Variants in NELL1 observed in about 807,000 individuals in gnomAD.
NELL1 encodes protein kinase C-binding protein NELL1.
Under a neutral mutation model 107.4 loss-of-function variants are expected in NELL1, and 76 were observed. The observed-to-expected ratio is 0.71, with a 90% CI of 0.59 to 0.86. The LOEUF is 0.86. Among genes scored for constraint, NELL1 ranks in the 40% least tolerant of loss-of-function variants. NELL1 has a pLI of 0.00. For synonymous variants in NELL1, 353 were observed against 341.2 expected, an observed-to-expected ratio of 1.03 and a Z score of -0.38; for missense variants, 1,024 against 1,005.5, an observed-to-expected ratio of 1.02 and a Z score of -0.25.
At chr11:21,516,608 C>T (rs1293907038) in intron 15 of NELL1, among the ~76,000 whole-genome samples, 1 of 152,022 alleles carries the variant, frequency 6.6e-6, no homozygotes, top group Non-Finnish European at 1.5e-5. Flanking sequence ...ATACTATAGG[C>T]AATTGTAACA....
intron 5 of NELL1, among the ~76,000 whole-genome samples, chr11:20,899,146 C>CTA (rs142055472): frequency 3.8e-4 from 57 of 151,614 alleles, no homozygotes; most frequent in South Asian, 2.1e-3. Context: ...AGTTTAATGG[C>CTA]TATATATATA....
chr11:20,879,856 T>G (rs1849375437), intron 4 of NELL1, among the ~76,000 whole-genome samples: 1 of 152,166 alleles, frequency 6.6e-6, no homozygotes, highest in South Asian at 2.1e-4. Context: ...TAAAGAAAGC[T>G]GAAAAAAATG....
At chr11:21,014,640 G>T (rs761214275) in intron 12 of NELL1, among the ~76,000 whole-genome samples, 7 of 152,066 alleles carry the variant, frequency 4.6e-5, no homozygotes, top group Non-Finnish European at 8.8e-5. Flanking sequence ...AGGGTACTGT[G>T]AACTCTTGGA....
intron 2 of NELL1, among the ~76,000 whole-genome samples, chr11:20,736,965 G>A (rs1335283715): frequency 6.6e-6 from 1 of 151,954 alleles, no homozygotes; most frequent in Non-Finnish European, 1.5e-5. Flanking sequence ...ATGTTGTCCA[G>A]GCTGGTCTCA....
At chr11:21,508,211 C>T (rs999925834) in intron 15 of NELL1, among the ~76,000 whole-genome samples, 2 of 151,850 alleles carry the variant, frequency 1.3e-5, no homozygotes, top group African/African-American at 4.8e-5. Context: ...ACAGATACAA[C>T]AAATGTTTCT....
At chr11:20,928,627 A>G in intron 9 of NELL1, 148 bp downstream of exon 9, 1 of 678,410 alleles carries the variant, frequency 1.5e-6, no homozygotes. Flanking sequence ...AAGAAGAGCC[A>G]CAATATTTTA....
At chr11:20,699,895 C>G (rs1051088161) in intron 2 of NELL1, among the ~76,000 whole-genome samples, 2 of 152,102 alleles carry the variant, frequency 1.3e-5, no homozygotes, top group African/African-American at 2.4e-5. Flanking sequence ...ACATTCTTAC[C>G]AGCAGTGTAA....
At chr11:20,954,879 A>G (rs1851139882) in intron 11 of NELL1, among the ~76,000 whole-genome samples, 1 of 152,224 alleles carries the variant, frequency 6.6e-6, no homozygotes, top group African/African-American at 2.4e-5. Flanking sequence ...TGGAAAATCA[A>G]CACTGTTTGA....
At chr11:20,933,443 G>A (rs1016757730) in intron 9 of NELL1, among the ~76,000 whole-genome samples, 8 of 152,280 alleles carry the variant, frequency 5.3e-5, no homozygotes, top group Admixed American at 1.3e-4. Context: ...AATACATTCC[G>A]TTTGACATGT....
intron 14 of NELL1, among the ~76,000 whole-genome samples, chr11:21,254,431 A>T (rs963791452): frequency 3.9e-5 from 6 of 152,152 alleles, no homozygotes; most frequent in African/African-American, 1.4e-4. Flanking sequence ...AAAGGCATAA[A>T]TTAAGTATCA....
chr11:21,404,928 G>C (rs1852198368), intron 15 of NELL1, among the ~76,000 whole-genome samples: 1 of 152,000 alleles, frequency 6.6e-6, no homozygotes, highest in Non-Finnish European at 1.5e-5. Context: ...TATTCACTTA[G>C]GGTGAGATAC....
chr11:21,033,874 T>C (rs187549948), intron 12 of NELL1, among the ~76,000 whole-genome samples: 18 of 152,284 alleles, frequency 1.2e-4, no homozygotes, highest in East Asian at 1.9e-4. Flanking sequence ...TAAGCATTCC[T>C]TTTTCTCCAC....
intron 14 of NELL1, among the ~76,000 whole-genome samples, chr11:21,277,617 C>G (rs905825242): frequency 6.6e-6 from 1 of 152,158 alleles, no homozygotes; most frequent in Non-Finnish European, 1.5e-5. Flanking sequence ...TATTGCGGCA[C>G]TATTCATAAT....
chr11:21,491,792 A>G (rs937278389), intron 15 of NELL1, among the ~76,000 whole-genome samples: 3 of 152,194 alleles, frequency 2.0e-5, no homozygotes, highest in African/African-American at 7.2e-5. Context: ...CTTGGGCAGT[A>G]TGGCCATTTT....
chr11:20,996,861 C>A (rs1020194092), intron 12 of NELL1, among the ~76,000 whole-genome samples: 1 of 152,102 alleles, frequency 6.6e-6, no homozygotes, highest in African/African-American at 2.4e-5. Context: ...GTATTAGGTC[C>A]TTAACACCTT....
chr11:20,881,785 A>C (rs1348547642), intron 4 of NELL1, among the ~76,000 whole-genome samples: 1 of 151,884 alleles, frequency 6.6e-6, no homozygotes, highest in Non-Finnish European at 1.5e-5. Context: ...GTGTCCATGC[A>C]TGTGTCTGTC....
At chr11:20,893,070 A>G (rs1219988568) in intron 5 of NELL1, among the ~76,000 whole-genome samples, 1 of 152,188 alleles carries the variant, frequency 6.6e-6, no homozygotes, top group Non-Finnish European at 1.5e-5. Context: ...ATGGCATACT[A>G]CACAGCCATG....
chr11:21,417,713 C>G (rs940186342), intron 15 of NELL1, among the ~76,000 whole-genome samples: 4 of 151,948 alleles, frequency 2.6e-5, no homozygotes, highest in Non-Finnish European at 4.4e-5. Flanking sequence ...CCTTCTCATC[C>G]CCATTACCTG....
chr11:20,793,887 C>A (rs1239603053), intron 3 of NELL1, among the ~76,000 whole-genome samples: 1 of 151,936 alleles, frequency 6.6e-6, no homozygotes, highest in Non-Finnish European at 1.5e-5. Context: ...TTCACATGCT[C>A]AATATTTTTG....
Sources: gnomAD v4.1 joint callset for allele counts (sites outside exome capture counted in the v4.1 genomes callset) on GRCh38, gnomAD v4.1.1 for gene constraint, MANE v1.5 for transcripts, NCBI Gene and HGNC (gene_info 2026-07-23, HGNC 2026-07-21) for gene names.